Variants in PPFIA2 observed in about 807,000 individuals in gnomAD.
PPFIA2 encodes PPFI scaffold protein A2, also known as liprin-alpha-2.
A neutral mutation model predicts 175.5 loss-of-function variants in PPFIA2; 46 were observed. That is an observed-to-expected ratio of 0.26 (90% confidence interval 0.21 to 0.34). PPFIA2 has a LOEUF of 0.34. Ranked by LOEUF, PPFIA2 falls within the 10% of genes least tolerant of loss-of-function variation. PPFIA2 has a pLI of 1.00. For missense variants in PPFIA2, 1,179 were observed against 1,506.1 expected (o/e 0.78, Z 3.60); for synonymous variants, 568 against 511.4 (o/e 1.11, Z -1.49).
At chr12:81,443,767 T>A (rs2050672539) in intron 6 of PPFIA2, among the ~76,000 whole-genome samples, 1 of 151,512 alleles carries the variant, frequency 6.6e-6, no homozygotes, top group Admixed American at 6.6e-5. Context: ...TCTGTGTGGG[T>A]CCTGCTGCTT....
At chr12:81,304,749 A>C (rs982832894) in intron 22 of PPFIA2, among the ~76,000 whole-genome samples, 2 of 152,136 alleles carry the variant, frequency 1.3e-5, no homozygotes, top group Non-Finnish European at 2.9e-5. Flanking sequence ...TGGTGGAGGA[A>C]GATGAAATTG....
chr12:81,599,705 C>A (rs1002174521), intron 4 of PPFIA2, among the ~76,000 whole-genome samples: 1 of 151,880 alleles, frequency 6.6e-6, no homozygotes, highest in Non-Finnish European at 1.5e-5. Flanking sequence ...TTAATGTGCT[C>A]TTTGTATTTT....
intron 4 of PPFIA2, among the ~76,000 whole-genome samples, chr12:81,642,805 A>ATTATATACATACATGTACG (rs2065447557): frequency 7.8e-5 from 2 of 25,768 alleles, no homozygotes; most frequent in African/African-American, 3.7e-4. Flanking sequence ...ATATGTATGT[A>ATTATATACATACATGTACG]TGTATTACAT....
intron 11 of PPFIA2, among the ~76,000 whole-genome samples, chr12:81,371,008 C>T (rs1234726311): frequency 6.6e-6 from 1 of 151,848 alleles, no homozygotes. Flanking sequence ...TGCATATATA[C>T]TATTTTATGC....
chr12:81,439,457 ACT>A (rs1198006151), intron 7 of PPFIA2, among the ~76,000 whole-genome samples: 4 of 151,944 alleles, frequency 2.6e-5, no homozygotes, highest in African/African-American at 7.2e-5. Context: ...AGATAAAATA[ACT>A]CTTTAAATCT....
chr12:81,580,609 CAAT>C (rs1264999899), intron 4 of PPFIA2, among the ~76,000 whole-genome samples: 1 of 151,292 alleles, frequency 6.6e-6, no homozygotes, highest in Non-Finnish European at 1.5e-5. Context: ...AAAATGCTTA[CAAT>C]AATAAATTAT....
At chr12:81,743,219 T>C (rs373028620) in intron 3 of PPFIA2, among the ~76,000 whole-genome samples, 7 of 150,164 alleles carry the variant, frequency 4.7e-5, no homozygotes, top group African/African-American at 1.5e-4. Context: ...GAGATGGAGA[T>C]CATCCTGGCT....
intron 9 of PPFIA2, among the ~76,000 whole-genome samples, chr12:81,380,785 T>C (rs1014997126): frequency 8.5e-5 from 13 of 152,150 alleles, no homozygotes; most frequent in Non-Finnish European, 1.3e-4. Flanking sequence ...CTGAGAAAAA[T>C]GGAGATAATA....
intron 3 of PPFIA2, among the ~76,000 whole-genome samples, chr12:81,738,720 T>C (rs573153913): frequency 3.3e-5 from 5 of 150,904 alleles, no homozygotes; most frequent in African/African-American, 1.2e-4. Context: ...CTTGGTAAAA[T>C]AGTAGACTAA....
intron 22 of PPFIA2, among the ~76,000 whole-genome samples, chr12:81,311,590 A>G (rs1252454355): frequency 1.3e-5 from 2 of 151,756 alleles, no homozygotes; most frequent in African/African-American, 2.4e-5. Context: ...AAAATTAGCC[A>G]GGCGTGGTGG....
chr12:81,335,529 G>A (rs2056968212), intron 21 of PPFIA2, among the ~76,000 whole-genome samples: 3 of 152,094 alleles, frequency 2.0e-5, no homozygotes, highest in Admixed American at 6.6e-5. Context: ...GATCACCTGA[G>A]GTCAGGAGTT....
At chr12:81,684,869 T>C (rs1368367561) in intron 3 of PPFIA2, among the ~76,000 whole-genome samples, 1 of 152,032 alleles carries the variant, frequency 6.6e-6, no homozygotes, top group Non-Finnish European at 1.5e-5. Context: ...TTCTAGTGCA[T>C]CAGAAGGAAA....
intron 7 of PPFIA2, among the ~76,000 whole-genome samples, chr12:81,417,762 G>A (rs2143440559): frequency 6.6e-6 from 1 of 151,794 alleles, no homozygotes; most frequent in South Asian, 2.1e-4. Context: ...AGTATGAGAA[G>A]GAAGCAGAAC....
chr12:81,298,987 G>A (rs1219830037), intron 23 of PPFIA2, among the ~76,000 whole-genome samples: 3 of 152,084 alleles, frequency 2.0e-5, no homozygotes, highest in Admixed American at 2.0e-4. Context: ...AATGAGGAAG[G>A]GCCCTGGCCT....
chr12:81,385,383 G>A (rs1419538917), intron 8 of PPFIA2, among the ~76,000 whole-genome samples: 1 of 152,068 alleles, frequency 6.6e-6, no homozygotes, highest in East Asian at 1.9e-4. Context: ...ATCACTGTGT[G>A]GAAGAGATAT....
chr12:81,662,408 G>T (rs1332546965), intron 4 of PPFIA2, among the ~76,000 whole-genome samples: 12 of 152,256 alleles, frequency 7.9e-5, no homozygotes, highest in Admixed American at 2.6e-4. Context: ...TACCATCAGA[G>T]AATACTATAA....
intron 9 of PPFIA2, among the ~76,000 whole-genome samples, chr12:81,377,378 C>T (rs573028024): frequency 4.4e-4 from 67 of 152,032 alleles, no homozygotes; most frequent in South Asian, 1.2e-3. Context: ...GGTGAAATCC[C>T]GTCTCTACTA....
chr12:81,277,556 A>G (rs900630740), intron 27 of PPFIA2, 142 bp from the exon 28 acceptor site: 9 of 863,852 alleles, frequency 1.0e-5, no homozygotes, highest in African/African-American at 7.0e-5. Context: ...CAAATCCTTC[A>G]GTATTGGAGG....
At chr12:81,386,992 A>T (rs532618736) in intron 8 of PPFIA2, among the ~76,000 whole-genome samples, 1 of 152,228 alleles carries the variant, frequency 6.6e-6, no homozygotes, top group South Asian at 2.1e-4. Context: ...ACACATGCCC[A>T]TTCCTCAAAT....
Sources: allele counts gnomAD v4.1 joint callset (sites outside exome capture counted in the v4.1 genomes callset), GRCh38; gene constraint gnomAD v4.1.1; transcripts MANE v1.5; gene names NCBI Gene and HGNC (gene_info 2026-07-23, HGNC 2026-07-21).